Variants in LRRFIP1 observed in about 807,000 individuals in gnomAD.
LRRFIP1 encodes LRR binding FLII interacting protein 1.
LRRFIP1 carries 62 observed loss-of-function variants against 104.4 expected under a neutral mutation model. That is an observed-to-expected ratio of 0.59 (90% CI 0.48 to 0.73). LRRFIP1 has a LOEUF of 0.73. LRRFIP1 is among the 30% of genes least tolerant of loss of function. The probability of loss-of-function intolerance (pLI) is 0.00; values close to 1 mark genes in which losing one functional copy is unlikely to be tolerated. For missense variants in LRRFIP1, 796 were observed against 824.5 expected (o/e 0.97, Z 0.42); for synonymous variants, 300 against 299.0 (o/e 1.00, Z -0.03).
intron 18 of LRRFIP1, among the ~76,000 whole-genome samples, chr2:237,759,485 C>T (rs1377772323): frequency 1.3e-5 from 2 of 152,126 alleles, no homozygotes; most frequent in Non-Finnish European, 2.9e-5. Flanking sequence ...CAGGGGAGTT[C>T]CTCACACACA....
chr2:237,630,125 G>A (rs1452659350), intron 1 of LRRFIP1, among the ~76,000 whole-genome samples: 4 of 152,242 alleles, frequency 2.6e-5, no homozygotes, highest in African/African-American at 4.8e-5. Context: ...AAACCCAGCC[G>A]TAGGTGCAGC....
At position 237,739,289 on chromosome 2, in the gene LRRFIP1, TCGGCCCGGGCCAGCC is replaced by T. The variant is rs1559740518; in HGVS notation, c.615_629del (p.Ala206_Pro210del). 19 of 1,561,968 alleles carry T rather than the reference TCGGCCCGGGCCAGCC, an allele frequency of 1.2e-5. 1 individual carries two copies. In the South Asian group the frequency reaches 1.7e-4, roughly 14 times the overall value. On this transcript the variant is annotated inframe_deletion, in exon 11 of 24. Transcript: ENST00000308482. ...CTCCCGCGCCTCCTCCAGGGCCAGC[TCGGCCCGGGCCAGCC>T]CTGTGGTAAGTCGGCCTCCTGGCCT...
chr2:237,688,011 T>G (rs2092501450), intron 1 of LRRFIP1, among the ~76,000 whole-genome samples: 4 of 152,264 alleles, frequency 2.6e-5, no homozygotes, highest in African/African-American at 9.6e-5. Flanking sequence ...GATTCTGATG[T>G]TCCTAGAACA....
Position 237,735,619 on chromosome 2 carries a change from C to T in LRRFIP1, c.555+286C>T, listed in dbSNP as rs1002968480. The T allele has an allele frequency of 2.8e-6, 1 of 353,822 alleles. No individual in the cohort carries two copies. The highest frequency in any genetic ancestry group is 5.1e-6 in the Non-Finnish European group (1 of 194,822). The allele number at this position is 353,822 out of a possible 1,614,324, so 21.9% of individuals were successfully genotyped here. ...CAACCATACTAACAGGTGGTGAAAC[C>T]GTCTTCGGTTAATAAAAACGGGAAA... On this transcript the variant is annotated intron_variant, in intron 10 of 23. Coordinates refer to ENST00000308482, the MANE Select transcript of LRRFIP1 (RefSeq NM_001137550.2). The surrounding 1 kb of genome is among the most constrained non-coding windows in gnomAD (Gnocchi z 4.6).
Position 237,722,339 on chromosome 2 carries a change from C to T in LRRFIP1, c.346-1209C>T, listed in dbSNP as rs1019388153. The stretch of plus-strand genomic sequence containing the variant: ...CACAATTTCAGATGTAAGATGTGTG[C>T]ACTTACATTTTCCTGGGAAAAGAAT... On this transcript the variant is annotated intron_variant, in intron 6 of 23. Transcript: ENST00000308482. 2.6e-4 allele frequency among the ~76,000 whole-genome samples: 40 copies of T among 152,136 alleles called. 1 individual carries two copies. Among genetic ancestry groups the T allele is most frequent in the African/African-American group, 9.4e-4 (39 of 41,424 alleles).
intron 1 of LRRFIP1, among the ~76,000 whole-genome samples, chr2:237,702,564 C>CG (rs1286214525): frequency 1.3e-5 from 2 of 152,216 alleles, no homozygotes; most frequent in Non-Finnish European, 2.9e-5. Context: ...AGAGAGGACA[C>CG]GGTGGGGGCA....
chr2:237,721,153 G>C (rs958136495), intron 6 of LRRFIP1: 2 of 243,762 alleles, frequency 8.2e-6, no homozygotes, highest in African/African-American at 4.4e-5. Flanking sequence ...GCAAAGGCGC[G>C]TCTGCCCTTT....
intron 10 of LRRFIP1, among the ~76,000 whole-genome samples, chr2:237,737,087 T>C (rs576574316): frequency 6.6e-6 from 1 of 152,202 alleles, no homozygotes; most frequent in African/African-American, 2.4e-5. Context: ...CTGGTCCTGC[T>C]GTGGAGGATT....
At position 237,717,768 on chromosome 2, in the gene LRRFIP1, T is replaced by C. The variant is rs937856825; in HGVS notation, c.208T>C (p.Tyr70His). 3 of 1,612,018 alleles carry C rather than the reference T, an allele frequency of 1.9e-6. No homozygotes were observed. Among genetic ancestry groups the C allele is most frequent in the Admixed American group, 3.3e-5 (2 of 60,000 alleles). ...CTTTCCCTTCTGTCTATAGAAATAT[T>C]ATGGGCTGGATACAAAATGGGGTGA... Reference protein sequence around the residue: ...KEIYQVQKKYYGLDTKWGDIE... With the variant: ...KEIYQVQKKYHGLDTKWGDIE... Residue 70 changes from tyrosine (Y) to histidine (H), a missense_variant, in exon 4 of 24, where the codon TAT (tyrosine) becomes CAT (histidine). Coordinates refer to ENST00000308482, the MANE Select transcript of LRRFIP1 (RefSeq NM_001137550.2). The surrounding 1 kb of genome is among the most constrained non-coding windows in gnomAD (Gnocchi z 4.2).
At chr2:237,751,783 T>C (rs2058659644) in intron 14 of LRRFIP1, among the ~76,000 whole-genome samples, 1 of 152,216 alleles carries the variant, frequency 6.6e-6, no homozygotes, top group South Asian at 2.1e-4. Flanking sequence ...TGGCATTGGC[T>C]TTCTTGGAGC....
chr2:237,764,165 G>A (rs763012854), intron 19 of LRRFIP1: 3 of 1,613,992 alleles, frequency 1.9e-6, no homozygotes, highest in Admixed American at 1.7e-5. Flanking sequence ...CAGGCGCGGT[G>A]CACAGGAAGT....
At chr2:237,730,314 TC>T (rs2094944549) in intron 8 of LRRFIP1, among the ~76,000 whole-genome samples, 1 of 152,192 alleles carries the variant, frequency 6.6e-6, no homozygotes, top group African/African-American at 2.4e-5. Flanking sequence ...TCCTTCCCAT[TC>T]TCTACAAACA....
intron 20 of LRRFIP1, 185 bp downstream of exon 20, chr2:237,770,177 G>C (rs2060499442): frequency 3.4e-6 from 2 of 590,486 alleles, no homozygotes; most frequent in Non-Finnish European, 6.1e-6. Flanking sequence ...TTCATCCAAA[G>C]AGAACATCCT....
At chr2:237,737,009 C>T (rs1490753818) in intron 10 of LRRFIP1, among the ~76,000 whole-genome samples, 2 of 152,128 alleles carry the variant, frequency 1.3e-5, no homozygotes. Flanking sequence ...GCGCCCAGGC[C>T]TGAGGTCCCA....
chr2:237,740,684 C>T (rs1174037634), intron 11 of LRRFIP1, among the ~76,000 whole-genome samples: 1 of 152,122 alleles, frequency 6.6e-6, no homozygotes, highest in Non-Finnish European at 1.5e-5. Context: ...TCCTACCTCG[C>T]ACCTGATACC....
chr2:237,699,577 C>G (rs1028348075), intron 1 of LRRFIP1, among the ~76,000 whole-genome samples: 3 of 152,170 alleles, frequency 2.0e-5, no homozygotes, highest in African/African-American at 7.2e-5. Context: ...GTCTTGAACT[C>G]CTGACCTCAG....
At chr2:237,757,385 G>C (rs2059379710) in intron 16 of LRRFIP1, 71 bp from the exon 17 acceptor site, 4 of 986,264 alleles carry the variant, frequency 4.1e-6, no homozygotes, top group Non-Finnish European at 6.2e-6. Context: ...CAGCTCTCAG[G>C]TTCTCTCTCG....
intron 9 of LRRFIP1, 116 bp downstream of exon 9, chr2:237,733,934 C>T: frequency 9.1e-7 from 1 of 1,093,436 alleles, no homozygotes; most frequent in East Asian, 2.4e-5. Context: ...GAAGTTGCAC[C>T]TTCACGTGGA....
At chr2:237,666,233 C>T (rs1011055912) in intron 1 of LRRFIP1, among the ~76,000 whole-genome samples, 1 of 152,268 alleles carries the variant, frequency 6.6e-6, no homozygotes, top group Non-Finnish European at 1.5e-5. Flanking sequence ...TCCCCCAAAT[C>T]GAGCACCTCA....
Sources: allele counts gnomAD v4.1 joint callset (sites outside exome capture counted in the v4.1 genomes callset), GRCh38; gene constraint gnomAD v4.1.1; non-coding constraint Gnocchi (gnomAD v3.1); transcripts MANE v1.5; gene names NCBI Gene and HGNC (gene_info 2026-07-23, HGNC 2026-07-21).